The following KIZ variants were observed in gnomAD, a reference collection of about 807,000 sequenced individuals.
The protein encoded by KIZ is centrosomal protein kizuna.
KIZ carries 68 observed loss-of-function variants against 79.6 expected under a neutral mutation model. The ratio of observed to expected loss-of-function variants is 0.85; its 90% confidence interval spans 0.70 to 1.05. The LOEUF is 1.05. Ranked by LOEUF, KIZ falls within the 50% of genes least tolerant of loss-of-function variation. The pLI is 0.00. For synonymous variants in KIZ, 280 were observed against 281.8 expected, an observed-to-expected ratio of 0.99 and a Z score of 0.06; for missense variants, 797 against 800.4, an observed-to-expected ratio of 1.00 and a Z score of 0.05.
intron 6 of KIZ, among the ~76,000 whole-genome samples, chr20:21,170,378 C>T (rs1457483003): frequency 6.6e-6 from 1 of 151,766 alleles, no homozygotes; most frequent in Non-Finnish European, 1.5e-5. Context: ...CTATCAAATA[C>T]CAAATACTAG....
At chr20:21,216,305 ACTT>A (rs902938344) in intron 9 of KIZ, among the ~76,000 whole-genome samples, 8 of 152,218 alleles carry the variant, frequency 5.3e-5, no homozygotes, top group African/African-American at 1.9e-4. Context: ...GTGGTGTACT[ACTT>A]CATTATAAAT....
chr20:21,159,526 C>T (rs1012988602), intron 4 of KIZ, among the ~76,000 whole-genome samples: 9 of 152,232 alleles, frequency 5.9e-5, no homozygotes, highest in Admixed American at 3.3e-4. Flanking sequence ...CACCCCAGCC[C>T]TTCGGTCCCC....
At chr20:21,132,670 G>A (rs1004606833) in intron 2 of KIZ, among the ~76,000 whole-genome samples, 3 of 152,114 alleles carry the variant, frequency 2.0e-5, no homozygotes, top group African/African-American at 7.2e-5. Flanking sequence ...ATCAAATTTG[G>A]TTAAAATCGG....
chr20:21,188,531 G>C (rs576511085), intron 6 of KIZ, among the ~76,000 whole-genome samples: 2 of 151,470 alleles, frequency 1.3e-5, no homozygotes, highest in South Asian at 4.2e-4. Flanking sequence ...TAAGGGTGTT[G>C]ACTGTGACCC....
Position 21,126,174 on chromosome 20 carries a change from TG to T in KIZ, c.62del (p.Gly21AlafsTer34). 6.7e-7 allele frequency: 1 copy of T among 1,502,686 alleles called. No individual in the cohort carries two copies. Among genetic ancestry groups the T allele is most frequent in the Non-Finnish European group, 8.9e-7 (1 of 1,123,718 alleles). 93.1% of individuals were successfully genotyped at this position (1,502,686 alleles called of 1,614,324 possible). The stretch of plus-strand genomic sequence containing the variant: ...TCGAGTCCCGACTACTACGAGAGGC[TG>T]GGCCAACTCCAGCACGGGCTGCGGG... ...PLSSPDYYER[L>X]GQLQHGLRDS... On this transcript the variant is annotated frameshift_variant, in exon 1 of 13. Transcript: ENST00000619189. LOFTEE classifies it high-confidence loss of function.
intron 7 of KIZ, among the ~76,000 whole-genome samples, chr20:21,214,227 C>T (rs2036191307): frequency 6.6e-6 from 1 of 152,020 alleles, no homozygotes; most frequent in African/African-American, 2.4e-5. Flanking sequence ...GATAAACCTG[C>T]CCAGATTAAC....
intron 6 of KIZ, among the ~76,000 whole-genome samples, chr20:21,188,884 T>TG (rs2035002148): frequency 2.0e-5 from 3 of 151,570 alleles, no homozygotes; most frequent in African/African-American, 7.3e-5. Flanking sequence ...GTGTGTGTGT[T>TG]TTTTTGGTAG....
intron 9 of KIZ, among the ~76,000 whole-genome samples, chr20:21,227,111 T>G (rs1216562753): frequency 6.6e-6 from 1 of 152,182 alleles, no homozygotes; most frequent in African/African-American, 2.4e-5. Context: ...ATTGGTAATT[T>G]CCTCCCTTGC....
intron 3 of KIZ, among the ~76,000 whole-genome samples, chr20:21,137,633 T>C (rs2032272610): frequency 6.8e-6 from 1 of 147,802 alleles, no homozygotes; most frequent in Admixed American, 6.8e-5. Context: ...TGTATGTGTA[T>C]TTTTTTTTTT....
intron 4 of KIZ, among the ~76,000 whole-genome samples, chr20:21,155,346 A>T (rs1414918077): frequency 6.6e-6 from 1 of 152,244 alleles, no homozygotes; most frequent in East Asian, 1.9e-4. Context: ...ATGAAAAGGA[A>T]TAAAATACTG....
At chr20:21,211,173 T>C (rs1209022708) in intron 7 of KIZ, among the ~76,000 whole-genome samples, 1 of 152,210 alleles carries the variant, frequency 6.6e-6, no homozygotes, top group Non-Finnish European at 1.5e-5. Context: ...GGGTTCTAGA[T>C]AGAGCAAGAT....
chr20:21,166,703 C>T (rs1387979004), intron 6 of KIZ: 4 of 622,836 alleles, frequency 6.4e-6, no homozygotes, highest in Non-Finnish European at 1.1e-5. Flanking sequence ...GGTGATCTGC[C>T]TGCCTCAGCT....
chr20:21,172,373 C>T (rs537644230), intron 6 of KIZ, among the ~76,000 whole-genome samples: 3 of 152,160 alleles, frequency 2.0e-5, no homozygotes, highest in East Asian at 1.9e-4. Context: ...GAGGCTGAGG[C>T]GAATGGATTG....
chr20:21,139,716 T>A (rs917415040), intron 3 of KIZ, among the ~76,000 whole-genome samples: 1 of 152,098 alleles, frequency 6.6e-6, no homozygotes, highest in African/African-American at 2.4e-5. Context: ...TTATATAAAA[T>A]AGGATATGTT....
At chr20:21,168,489 T>G (rs2034057625) in intron 6 of KIZ, among the ~76,000 whole-genome samples, 1 of 152,050 alleles carries the variant, frequency 6.6e-6, no homozygotes, top group African/African-American at 2.4e-5. Context: ...ATCAATATCG[T>G]GAAAATGGCC....
chr20:21,134,387 T>C (rs1055404610), intron 2 of KIZ, among the ~76,000 whole-genome samples: 1 of 152,096 alleles, frequency 6.6e-6, no homozygotes, highest in Non-Finnish European at 1.5e-5. Flanking sequence ...GCCGGTGACC[T>C]TGGGGCAATT....
intron 6 of KIZ, among the ~76,000 whole-genome samples, chr20:21,192,073 C>A (rs78242035): frequency 6.6e-6 from 1 of 152,060 alleles, no homozygotes; most frequent in African/African-American, 2.4e-5. Context: ...AGGATCAGGA[C>A]GGAAGGTAGG....
intron 4 of KIZ, 100 bp from the exon 5 acceptor site, chr20:21,161,771 A>G (rs2033669209): frequency 1.3e-6 from 1 of 753,638 alleles, no homozygotes; most frequent in East Asian, 2.6e-5. Flanking sequence ...TTCAATAATC[A>G]TGCTTTGTTT....
At chr20:21,221,042 C>T (rs1430457914) in intron 9 of KIZ, among the ~76,000 whole-genome samples, 4 of 152,076 alleles carry the variant, frequency 2.6e-5, no homozygotes, top group Non-Finnish European at 4.4e-5. Flanking sequence ...GCTGGGAGGT[C>T]GGTTTCCCTG....
Sources: gnomAD v4.1 joint callset for allele counts (sites outside exome capture counted in the v4.1 genomes callset) on GRCh38, gnomAD v4.1.1 for gene constraint, MANE v1.5 for transcripts, NCBI Gene and HGNC (gene_info 2026-07-23, HGNC 2026-07-21) for gene names.